Variants in CFAP92 observed in about 807,000 individuals in gnomAD.
CFAP92 encodes cilia and flagella associated protein 92 (putative).
A neutral mutation model predicts 106.3 loss-of-function variants in CFAP92; 86 were observed. The observed-to-expected ratio is 0.81, with a 90% CI of 0.68 to 0.97. The LOEUF (loss-of-function observed/expected upper bound fraction) is 0.97. Ranked by LOEUF, CFAP92 falls within the 50% of genes least tolerant of loss-of-function variation. CFAP92 has a pLI of 0.00. For missense variants in CFAP92, 1,204 were observed against 1,283.8 expected, an observed-to-expected ratio of 0.94 and a Z score of 0.95; for synonymous variants, 477 against 506.4, an observed-to-expected ratio of 0.94 and a Z score of 0.78.
intron 6 of CFAP92, among the ~76,000 whole-genome samples, chr3:128,976,300 CA>C (rs1553757758): frequency 6.6e-6 from 1 of 152,070 alleles, no homozygotes; most frequent in Non-Finnish European, 1.5e-5. Context: ...ATAGGCAGAA[CA>C]AATGAACTCT....
At chr3:128,974,045 G>T (rs1189513885) in intron 7 of CFAP92, among the ~76,000 whole-genome samples, 1 of 152,208 alleles carries the variant, frequency 6.6e-6, no homozygotes, top group Non-Finnish European at 1.5e-5. Flanking sequence ...ATCCGGAAAA[G>T]ACAAAAGTCA....
chr3:128,922,954 C>CTGTT (rs1402939259), intron 12 of CFAP92, among the ~76,000 whole-genome samples: 1 of 152,234 alleles, frequency 6.6e-6, no homozygotes, highest in Admixed American at 6.5e-5. Flanking sequence ...TCTGTGCCTT[C>CTGTT]TGTTAGAAGG....
At chr3:128,917,671 TAAAAGA>T (rs886136828) in intron 12 of CFAP92, among the ~76,000 whole-genome samples, 2 of 151,990 alleles carry the variant, frequency 1.3e-5, no homozygotes, top group African/African-American at 2.4e-5. Flanking sequence ...GAAGTAAAAC[TAAAAGA>T]AAAAGTATTG....
intron 9 of CFAP92, 60 bp from the exon 10 acceptor site, chr3:128,946,035 G>A (rs944457264): frequency 7.2e-6 from 9 of 1,251,894 alleles, no homozygotes; most frequent in Non-Finnish European, 8.4e-6. Flanking sequence ...CTCAGCCCCA[G>A]CATGAGGAGC....
At chr3:128,981,330 C>G (rs1156919401) in intron 4 of CFAP92, among the ~76,000 whole-genome samples, 1 of 151,322 alleles carries the variant, frequency 6.6e-6, no homozygotes, top group Admixed American at 6.6e-5. Context: ...GCCACCGCGC[C>G]TGGCCTTGTT....
intron 9 of CFAP92, among the ~76,000 whole-genome samples, chr3:128,959,961 C>T (rs541177736): frequency 1.0e-3 from 158 of 152,254 alleles, no homozygotes; most frequent in Admixed American, 2.2e-3. Context: ...GATTTGTTCC[C>T]GCCCCACCCT....
intron 12 of CFAP92, among the ~76,000 whole-genome samples, chr3:128,925,294 C>T (rs1405413512): frequency 6.6e-6 from 1 of 152,122 alleles, no homozygotes; most frequent in South Asian, 2.1e-4. Context: ...ATGTTCAGTT[C>T]ACAATAGTAT....
intron 9 of CFAP92, among the ~76,000 whole-genome samples, chr3:128,956,347 T>A (rs574546137): frequency 1.3e-5 from 2 of 151,902 alleles, no homozygotes; most frequent in African/African-American, 4.8e-5. Flanking sequence ...CTAATATTCA[T>A]GTCATTGGAG....
In CFAP92 at chr3:128,987,596, T is replaced by C. The variant is rs766305273; in HGVS notation, c.667+20A>G. On this transcript the variant is annotated intron_variant, in intron 4 of 15. Transcript: ENST00000645291. ...GTAAGCCCCAGGCTTCCAGAACCAT[T>C]TCAAATAAAACCAGAGCACCTGACT... The C allele has an allele frequency of 3.1e-6, 5 of 1,609,502 alleles. No homozygotes were observed. In the South Asian group the frequency reaches 5.5e-5, roughly 18 times the overall value.
At position 128,975,905 on chromosome 3, in the gene CFAP92, T is replaced by C. The variant is rs774679330; in HGVS notation, c.897-2A>G. 20 of 1,594,266 alleles carry C rather than the reference T, an allele frequency of 1.3e-5. No homozygotes were observed. Among genetic ancestry groups the C allele is most frequent in the African/African-American group, 2.7e-5 (2 of 73,938 alleles). ...GTTGGTGTTCTTGAAACACTCCATC[T>C]AGAAAATTCACAAAGAGAAAAATTA... On this transcript the variant is annotated splice_acceptor_variant, in intron 6 of 15. Transcript: ENST00000645291. LOFTEE classifies it high-confidence loss of function.
chr3:129,015,423 G>C, the CFAP92 span, among the ~76,000 whole-genome samples: 3 of 152,110 alleles, frequency 2.0e-5, no homozygotes, highest in African/African-American at 2.4e-5. Flanking sequence ...CTCCTTCGGG[G>C]GGGGAGGTTG....
At chr3:128,940,112 AGTG>A (rs1939481806) in intron 10 of CFAP92, among the ~76,000 whole-genome samples, 1 of 152,214 alleles carries the variant, frequency 6.6e-6, no homozygotes, top group Non-Finnish European at 1.5e-5. Flanking sequence ...GTTCATCCAT[AGTG>A]CAGAATGTCA....
chr3:128,926,728 TA>T lies in CFAP92; in HGVS notation c.2751+5971del, dbSNP rs1239636000. Among the ~76,000 whole-genome samples, 14 of 151,928 alleles carry T rather than the reference TA, an allele frequency of 9.2e-5. No individual in the cohort carries two copies. The East Asian group carries it at 2.3e-3, about 25-fold the overall frequency. ...AACCCCAGCCTGGCTCTATTTGGAGTAGGGAAGTAATTAAGGTTAAATGAGG... is the reference window on the plus strand; with the variant it reads ...AACCCCAGCCTGGCTCTATTTGGAGTGGGAAGTAATTAAGGTTAAATGAGG... On this transcript the variant is annotated intron_variant, in intron 12 of 15. Transcript: ENST00000645291.
At chr3:128,956,196 T>TAAAAAAAAAAAAAAAAAAAAA (rs577724635) in intron 9 of CFAP92, among the ~76,000 whole-genome samples, 3 of 61,708 alleles carry the variant, frequency 4.9e-5, no homozygotes, top group East Asian at 4.3e-4. Context: ...AAAAAAAAAA[T>TAAAAAAAAAAAAAAAAAAAAA]AAAAAAAAAA....
chr3:128,959,450 A>C (rs1293786158), intron 9 of CFAP92, among the ~76,000 whole-genome samples: 2 of 152,140 alleles, frequency 1.3e-5, no homozygotes, highest in East Asian at 3.9e-4. Context: ...GACATATGAG[A>C]TCTCAAAAAT....
At chr3:128,994,289 A>T, upstream of CFAP92, 1 of 330,610 alleles carries the variant, frequency 3.0e-6, no homozygotes, top group Non-Finnish European at 4.3e-6. Context: ...TTCACTCATT[A>T]AGGAGTTTCT....
At chr3:129,003,737 G>T, upstream of CFAP92, 1 of 1,300,288 alleles carries the variant, frequency 7.7e-7, no homozygotes, top group Non-Finnish European at 9.8e-7. Flanking sequence ...GCGGGCGTTC[G>T]TCTGGTGCAT....
chr3:129,015,341 T>C, the CFAP92 span, among the ~76,000 whole-genome samples: 1 of 152,134 alleles, frequency 6.6e-6, no homozygotes, highest in Non-Finnish European at 1.5e-5. Flanking sequence ...TACAGCCTCT[T>C]CCTAACGTCT....
intron 12 of CFAP92, among the ~76,000 whole-genome samples, chr3:128,923,946 T>C (rs1319363117): frequency 6.6e-6 from 1 of 152,236 alleles, no homozygotes; most frequent in East Asian, 1.9e-4. Context: ...TCAATCCTCT[T>C]AAATGGATTA....
Sources: gnomAD v4.1 joint callset for allele counts (sites outside exome capture counted in the v4.1 genomes callset) on GRCh38, gnomAD v4.1.1 for gene constraint, MANE v1.5 for transcripts, NCBI Gene and HGNC (gene_info 2026-07-23, HGNC 2026-07-21) for gene names.